The following PRKCE variants were observed in gnomAD, a reference collection of about 807,000 sequenced individuals.
The protein encoded by PRKCE is protein kinase C epsilon.
In PRKCE, 16 loss-of-function variants were observed where a neutral mutation model predicts 85.4. The observed-to-expected ratio is 0.19, with a 90% confidence interval of 0.13 to 0.28. The LOEUF (loss-of-function observed/expected upper bound fraction) is 0.28, where lower values mean the gene tolerates loss of function less well. Among genes scored for constraint, PRKCE ranks in the 10% least tolerant of loss-of-function variants. The pLI, the probability that PRKCE is intolerant of heterozygous loss-of-function variation, is 1.00. For synonymous variants in PRKCE, 388 were observed against 371.5 expected (o/e 1.04, Z -0.51); for missense variants, 573 against 975.2 (o/e 0.59, Z 5.49).
chr2:45,918,871 G>A (rs1287684955), intron 2 of PRKCE, among the ~76,000 whole-genome samples: 1 of 152,242 alleles, frequency 6.6e-6, no homozygotes, highest in Non-Finnish European at 1.5e-5. Flanking sequence ...ATTATTGAAT[G>A]TTGCAGAGGT....
chr2:45,737,472 C>T (rs924569489), intron 1 of PRKCE, among the ~76,000 whole-genome samples: 4 of 152,216 alleles, frequency 2.6e-5, no homozygotes, highest in African/African-American at 7.2e-5. Context: ...TCCCCATTCA[C>T]GAAGCGGGAG....
At chr2:45,732,357 CATATGTTAGTA>C (rs1451997900) in intron 1 of PRKCE, among the ~76,000 whole-genome samples, 1 of 152,166 alleles carries the variant, frequency 6.6e-6, no homozygotes, top group East Asian at 1.9e-4. Context: ...TGAGGTTCTT[CATATGTTAGTA>C]TCAACTCACA....
At chr2:46,132,766 C>T (rs546986565) in intron 11 of PRKCE, among the ~76,000 whole-genome samples, 2 of 152,340 alleles carry the variant, frequency 1.3e-5, no homozygotes, top group South Asian at 4.1e-4. Context: ...AAAGCAAATA[C>T]CTTCCATGGC....
intron 1 of PRKCE, among the ~76,000 whole-genome samples, chr2:45,693,976 C>T (rs981366799): frequency 1.3e-5 from 2 of 151,796 alleles, no homozygotes; most frequent in Admixed American, 6.6e-5. Context: ...AAGTCCGACT[C>T]GTGTGGAAAT....
chr2:46,044,728 A>T (rs1189419092), intron 10 of PRKCE, among the ~76,000 whole-genome samples: 2 of 152,218 alleles, frequency 1.3e-5, no homozygotes, highest in South Asian at 2.1e-4. Context: ...TGCTAATTTA[A>T]TTAAAGGTAG....
intron 1 of PRKCE, among the ~76,000 whole-genome samples, chr2:45,752,652 C>T (rs976450655): frequency 6.6e-6 from 1 of 152,154 alleles, no homozygotes; most frequent in Admixed American, 6.5e-5. Flanking sequence ...GACACTGAAG[C>T]AGGGCCTTGG....
At chr2:45,934,104 C>T (rs766737389) in intron 2 of PRKCE, among the ~76,000 whole-genome samples, 1 of 152,160 alleles carries the variant, frequency 6.6e-6, no homozygotes, top group Non-Finnish European at 1.5e-5. Context: ...ACTCTGTCTC[C>T]CATTCTCTCT....
intron 1 of PRKCE, among the ~76,000 whole-genome samples, chr2:45,826,079 T>A (rs1030967048): frequency 5.9e-5 from 9 of 152,196 alleles, no homozygotes; most frequent in African/African-American, 2.2e-4. Flanking sequence ...GAAGTCAAAG[T>A]AGACCCCACC....
chr2:46,005,790 T>G (rs1705139467), intron 8 of PRKCE, among the ~76,000 whole-genome samples: 1 of 152,200 alleles, frequency 6.6e-6, no homozygotes, highest in Non-Finnish European at 1.5e-5. Context: ...TTCTGTGTCT[T>G]TATACTCTAC....
chr2:45,990,065 A>T (rs1450490056), intron 6 of PRKCE, among the ~76,000 whole-genome samples: 1 of 152,186 alleles, frequency 6.6e-6, no homozygotes, highest in Non-Finnish European at 1.5e-5. Flanking sequence ...GTGGTGTAAA[A>T]CAACCAATAC....
intron 1 of PRKCE, among the ~76,000 whole-genome samples, chr2:45,837,395 T>C (rs1418456878): frequency 6.6e-6 from 1 of 152,214 alleles, no homozygotes; most frequent in Admixed American, 6.5e-5. Context: ...TAGCTGGGAC[T>C]ACAGGTGCAT....
At chr2:45,680,470 G>T (rs767161596) in intron 1 of PRKCE, among the ~76,000 whole-genome samples, 1 of 152,172 alleles carries the variant, frequency 6.6e-6, no homozygotes, top group African/African-American at 2.4e-5. Context: ...GCGCAAACTT[G>T]TTTCTTTAAC....
intron 10 of PRKCE, among the ~76,000 whole-genome samples, chr2:46,050,823 A>G (rs1239104506): frequency 2.0e-5 from 3 of 152,136 alleles, no homozygotes; most frequent in Non-Finnish European, 4.4e-5. Context: ...CATTTCCTTC[A>G]TTCTTGTCAA....
intron 1 of PRKCE, among the ~76,000 whole-genome samples, chr2:45,776,630 T>C (rs1685769368): frequency 6.6e-6 from 1 of 152,222 alleles, no homozygotes; most frequent in East Asian, 1.9e-4. Context: ...GTGAGAACTA[T>C]TAATTCAGAT....
At chr2:45,999,775 A>T (rs1367515360) in intron 6 of PRKCE, among the ~76,000 whole-genome samples, 1 of 151,894 alleles carries the variant, frequency 6.6e-6, no homozygotes, top group African/African-American at 2.4e-5. Flanking sequence ...TTATCACCCA[A>T]TCCTTGGATA....
At chr2:46,044,042 C>A (rs1270000310) in intron 10 of PRKCE, among the ~76,000 whole-genome samples, 6 of 152,182 alleles carry the variant, frequency 3.9e-5, no homozygotes, top group Non-Finnish European at 7.3e-5. Context: ...TCATGCCAAC[C>A]ACCTTGGATG....
At chr2:46,122,882 T>TTTG (rs1491361954) in intron 11 of PRKCE, among the ~76,000 whole-genome samples, 3 of 47,034 alleles carry the variant, frequency 6.4e-5, no homozygotes, top group Non-Finnish European at 1.2e-4. Flanking sequence ...ACAGTCTGGG[T>TTTG]TTTTTTTTTT....
intron 12 of PRKCE, among the ~76,000 whole-genome samples, chr2:46,149,865 T>C (rs1396981980): frequency 6.6e-6 from 1 of 151,594 alleles, no homozygotes; most frequent in Non-Finnish European, 1.5e-5. Flanking sequence ...AGATCCTTTT[T>C]TTTTTTTTTG....
intron 11 of PRKCE, among the ~76,000 whole-genome samples, chr2:46,128,344 A>G (rs1299816247): frequency 6.6e-6 from 1 of 152,228 alleles, no homozygotes; most frequent in African/African-American, 2.4e-5. Flanking sequence ...GCTCATGAAG[A>G]GCAATTGGAG....
Sources: allele counts gnomAD v4.1 joint callset (sites outside exome capture counted in the v4.1 genomes callset), GRCh38; gene constraint gnomAD v4.1.1; transcripts MANE v1.5; gene names NCBI Gene and HGNC (gene_info 2026-07-23, HGNC 2026-07-21).